SDK1: variants seen among roughly 807,000 people sequenced by gnomAD.
SDK1 encodes the protein sidekick cell adhesion molecule 1, also known as protein sidekick-1.
Under a neutral mutation model 245.5 loss-of-function variants are expected in SDK1, and 157 were observed. That is an observed-to-expected ratio of 0.64 (90% CI 0.56 to 0.73). The LOEUF (loss-of-function observed/expected upper bound fraction) is 0.73, where lower values mean the gene tolerates loss of function less well. SDK1 is among the 30% of genes least tolerant of loss of function. The pLI is 0.00. For synonymous variants in SDK1, 1,647 were observed against 1,278.5 expected (o/e 1.29, Z -6.15); for missense variants, 3,583 against 3,002.3 (o/e 1.19, Z -4.52).
At chr7:3,318,196 C>T (rs1260813196) in intron 1 of SDK1, among the ~76,000 whole-genome samples, 2 of 152,198 alleles carry the variant, frequency 1.3e-5, no homozygotes, top group African/African-American at 2.4e-5. Context: ...TATTAGCACA[C>T]ATGGGTATAC....
chr7:3,565,445 G>T lies in SDK1; in HGVS notation c.299-53635G>T, dbSNP rs1050552733. 3.1e-4 allele frequency among the ~76,000 whole-genome samples: 47 copies of T among 152,174 alleles called. 1 individual carries two copies. Among genetic ancestry groups the T allele is most frequent in the Non-Finnish European group, 7.3e-5 (5 of 68,036 alleles). On this transcript the variant is annotated intron_variant, in intron 1 of 44. Transcript: ENST00000404826. ...GCGTTTTCATTTTATGTCCTGATCAGTGCTATCCAGGAAGTAAAGCAAGAG... is the reference window on the plus strand; with the variant it reads ...GCGTTTTCATTTTATGTCCTGATCATTGCTATCCAGGAAGTAAAGCAAGAG...
At chr7:3,544,035 T>C (rs1583147411) in intron 1 of SDK1, among the ~76,000 whole-genome samples, 1 of 152,254 alleles carries the variant, frequency 6.6e-6, no homozygotes, top group South Asian at 2.1e-4. Context: ...AACCATTGTG[T>C]AGTTTTTATA....
intron 20 of SDK1, among the ~76,000 whole-genome samples, chr7:4,074,079 C>T (rs7807506): frequency 0.41 from 61,895 of 151,992 alleles, 15,042 homozygotes; most frequent in African/African-American, 0.68. Context: ...CCACAATGCA[C>T]TGCAATCCTA....
At chr7:4,227,288 T>A (rs1279891588) in intron 40 of SDK1, 1 of 449,936 alleles carries the variant, frequency 2.2e-6, no homozygotes, top group African/African-American at 2.0e-5. Flanking sequence ...CTTGTCTTTC[T>A]CATAAGCGTG....
At chr7:3,648,240 C>T (rs535196745) in intron 4 of SDK1, among the ~76,000 whole-genome samples, 1 of 152,214 alleles carries the variant, frequency 6.6e-6, no homozygotes, top group Admixed American at 6.5e-5. Context: ...CTCTTTCCTC[C>T]ACGACGTTAT....
chr7:4,023,149 A>T (rs1787057775), intron 17 of SDK1, among the ~76,000 whole-genome samples: 1 of 152,002 alleles, frequency 6.6e-6, no homozygotes, highest in South Asian at 2.1e-4. Flanking sequence ...AGTTCTTCGC[A>T]AGCTCTCGGC....
At chr7:3,791,557 T>G (rs1781090790) in intron 4 of SDK1, among the ~76,000 whole-genome samples, 1 of 152,124 alleles carries the variant, frequency 6.6e-6, no homozygotes, top group Non-Finnish European at 1.5e-5. Context: ...GGTTGCTGCC[T>G]GGCCTTCATC....
chr7:3,618,564 C>G (rs533048522), intron 1 of SDK1, among the ~76,000 whole-genome samples: 15 of 152,088 alleles, frequency 9.9e-5, no homozygotes, highest in Non-Finnish European at 1.6e-4. Context: ...GTGTTGTATC[C>G]CATTGAAAGT....
chr7:3,401,584 A>AT (rs1778888558), intron 1 of SDK1, among the ~76,000 whole-genome samples: 1 of 152,256 alleles, frequency 6.6e-6, no homozygotes, highest in African/African-American at 2.4e-5. Context: ...TGTGGCCACA[A>AT]TATACTGAGC....
chr7:4,017,180 G>T lies in SDK1; in HGVS notation c.2430G>T (p.Leu810=), dbSNP rs780415932. 4 of 1,610,962 alleles carry T rather than the reference G, an allele frequency of 2.5e-6. No homozygotes were observed. In the Admixed American group the frequency reaches 6.7e-5, roughly 27 times the overall value. Residue 810 remains leucine (L), a synonymous_variant, in exon 17 of 45, where the codon CTG becomes CTT. Coordinates refer to ENST00000404826, the MANE Select transcript of SDK1 (RefSeq NM_152744.4). ...TTCCTTCGTGGCGCAGGTACCGCCT[G>T]GCTGGCCTTCCCGGAGAGTACCAGC... ...VLRGYILRYR[L]AGLPGEYQQR... is the part of the protein sequence containing the mutation.
At chr7:3,464,440 G>C (rs1176068723) in intron 1 of SDK1, among the ~76,000 whole-genome samples, 1 of 152,124 alleles carries the variant, frequency 6.6e-6, no homozygotes, top group African/African-American at 2.4e-5. Flanking sequence ...AGGATCATTT[G>C]AGCCGAAGGG....
chr7:4,268,442 G>A lies in SDK1; in HGVS notation c.*3058G>A. On this transcript the variant is annotated 3_prime_UTR_variant, in exon 45 of 45. Transcript: ENST00000404826. ...AGCCTCGCCTTCAGCCTCTCTCCCA[G>A]CCTGCTTTTATAAGGCGCACTTCAC... The A allele has an allele frequency of 8.9e-7, 1 of 1,126,864 alleles. No homozygotes were observed. The highest frequency in any genetic ancestry group is 1.1e-6 in the Non-Finnish European group (1 of 907,250). The allele number at this position is 1,126,864 out of a possible 1,614,324, so 69.8% of individuals were successfully genotyped here.
chr7:3,328,107 A>G (rs888398223), intron 1 of SDK1, among the ~76,000 whole-genome samples: 1 of 152,184 alleles, frequency 6.6e-6, no homozygotes, highest in Non-Finnish European at 1.5e-5. Context: ...GTGTGTGTTT[A>G]ACTTTCTGCC....
intron 4 of SDK1, among the ~76,000 whole-genome samples, chr7:3,782,342 C>A (rs567556324): frequency 6.6e-6 from 1 of 152,298 alleles, no homozygotes; most frequent in East Asian, 1.9e-4. Context: ...GCAAGCCACT[C>A]ATGAGGGATC....
chr7:3,468,987 A>G (rs1326729840), intron 1 of SDK1, among the ~76,000 whole-genome samples: 1 of 152,194 alleles, frequency 6.6e-6, no homozygotes, highest in African/African-American at 2.4e-5. Context: ...AAGTTACCAT[A>G]TGAAATATTC....
chr7:3,914,402 C>T (rs1326260940), intron 5 of SDK1, among the ~76,000 whole-genome samples: 1 of 152,116 alleles, frequency 6.6e-6, no homozygotes, highest in Non-Finnish European at 1.5e-5. Context: ...TACATGTGCA[C>T]ATATAGAGAG....
At chr7:4,130,248 C>T (rs1784713293) in intron 27 of SDK1, 151 bp downstream of exon 27, 5 of 854,012 alleles carry the variant, frequency 5.9e-6, no homozygotes, top group African/African-American at 1.7e-5. Flanking sequence ...GTTTTTCAGT[C>T]ACTGAGCACT....
At chr7:3,344,508 T>C (rs910446609) in intron 1 of SDK1, among the ~76,000 whole-genome samples, 7 of 152,198 alleles carry the variant, frequency 4.6e-5, no homozygotes, top group African/African-American at 1.4e-4. Context: ...TATGTTGATA[T>C]GGAAGCTTAA....
intron 4 of SDK1, among the ~76,000 whole-genome samples, chr7:3,736,419 A>G (rs1779319214): frequency 6.6e-6 from 1 of 152,014 alleles, no homozygotes; most frequent in Non-Finnish European, 1.5e-5. Flanking sequence ...CAGCCTCCCA[A>G]GTAGCTGCCA....
Sources: gnomAD v4.1 joint callset for allele counts (sites outside exome capture counted in the v4.1 genomes callset) on GRCh38, gnomAD v4.1.1 for gene constraint, MANE v1.5 for transcripts, NCBI Gene and HGNC (gene_info 2026-07-23, HGNC 2026-07-21) for gene names.